Variants in GSK3B observed in about 807,000 individuals in gnomAD.
The protein encoded by GSK3B is glycogen synthase kinase 3 beta.
Under a neutral mutation model 56.4 loss-of-function variants are expected in GSK3B, and 15 were observed. The ratio of observed to expected loss-of-function variants is 0.27; its 90% CI spans 0.18 to 0.41. The LOEUF (loss-of-function observed/expected upper bound fraction) is 0.41. Among genes scored for constraint, GSK3B ranks in the 10% least tolerant of loss-of-function variants. GSK3B has a pLI of 1.00. For missense variants in GSK3B, 300 were observed against 513.4 expected (o/e 0.58, Z 4.02); for synonymous variants, 181 against 188.9 (o/e 0.96, Z 0.34).
At chr3:119,951,009 C>T (rs2057151438) in intron 2 of GSK3B, among the ~76,000 whole-genome samples, 1 of 152,010 alleles carries the variant, frequency 6.6e-6, no homozygotes, top group African/African-American at 2.4e-5. Flanking sequence ...GGGGAAAGGC[C>T]CATAGCTCTG....
rs145547313 is a variant in GSK3B at position 119,852,613 on chromosome 3, T to A, written c.1097-9260A>T. On this transcript the variant is annotated intron_variant, in intron 9 of 10. Transcript: ENST00000264235. ...TCTGCTCACCCCCGCCTCCCAAAGT[T>A]CTGGGATTAGAAGTGTAAGCCACTG... 9.4e-4 allele frequency among the ~76,000 whole-genome samples: 143 copies of A among 152,250 alleles called. 3 individuals carry two copies. The East Asian group carries it at 0.018, about 20-fold the overall frequency.
chr3:120,046,282 A>C (rs1269179696), intron 1 of GSK3B, among the ~76,000 whole-genome samples: 1 of 152,254 alleles, frequency 6.6e-6, no homozygotes, highest in Non-Finnish European at 1.5e-5. Context: ...TATATACTTC[A>C]GTTAATAATT....
chr3:119,914,366 C>T (rs1293666178), intron 5 of GSK3B, among the ~76,000 whole-genome samples: 1 of 151,862 alleles, frequency 6.6e-6, no homozygotes, highest in Non-Finnish European at 1.5e-5. Context: ...AAGCGAAATC[C>T]CTCTTCCAAA....
Position 120,015,662 on chromosome 3 carries a change from A to C in GSK3B, c.89-13423T>G, listed in dbSNP as rs2057818897. 2.1e-5 allele frequency among the ~76,000 whole-genome samples: 3 copies of C among 144,026 alleles called. No individual in the cohort carries two copies. The South Asian group carries it at 6.3e-4, about 30-fold the overall frequency. The allele number at this position is 144,026 out of a possible 152,430, so 94.5% of individuals were successfully genotyped here. A position where few individuals can be genotyped will look rare whatever the true frequency, so the allele number is the denominator to read the frequency against. On this transcript the variant is annotated intron_variant, in intron 1 of 10. Transcript: ENST00000264235. ...GAGACTCTGTCTCAAAAAAAAAAAA[A>C]AAAAAAAAAAAAAAAAACTAGACAT...
At chr3:119,947,172 C>T (rs528664239) in intron 3 of GSK3B, 96 bp downstream of exon 3, 3 of 761,364 alleles carry the variant, frequency 3.9e-6, no homozygotes, top group African/African-American at 3.5e-5. Flanking sequence ...TTTTCCATTC[C>T]ATTAGCAAAA....
chr3:119,925,028 C>A (rs1355584378), intron 3 of GSK3B, among the ~76,000 whole-genome samples: 1 of 152,170 alleles, frequency 6.6e-6, no homozygotes, highest in Non-Finnish European at 1.5e-5. Flanking sequence ...TTCAAGTCAT[C>A]ATCAAAATTT....
At chr3:120,062,766 C>T (rs1202613933) in intron 1 of GSK3B, among the ~76,000 whole-genome samples, 1 of 152,218 alleles carries the variant, frequency 6.6e-6, no homozygotes, top group Non-Finnish European at 1.5e-5. Flanking sequence ...TGGTAGGCAT[C>T]TCAACTGTAT....
chr3:119,885,345 C>T (rs1475836314), intron 7 of GSK3B, among the ~76,000 whole-genome samples: 2 of 152,040 alleles, frequency 1.3e-5, no homozygotes, highest in Non-Finnish European at 1.5e-5. Context: ...GGGAGAACTA[C>T]AAAACACTGC....
chr3:119,941,316 C>T (rs528071974), intron 3 of GSK3B, among the ~76,000 whole-genome samples: 93 of 152,242 alleles, frequency 6.1e-4, no homozygotes, highest in African/African-American at 2.0e-3. Context: ...CCTTGACTGG[C>T]GTAATACTAC....
chr3:120,078,545 CTT>C lies in GSK3B; in HGVS notation c.88+14800_88+14801del, dbSNP rs66489313. Among the ~76,000 whole-genome samples, 657 of 140,656 alleles carry C rather than the reference CTT, an allele frequency of 4.7e-3. 7 individuals are homozygous for C. The highest frequency in any genetic ancestry group is 0.019 in the Middle Eastern group (5 of 266). The allele number at this position is 140,656 out of a possible 152,430, so 92.3% of individuals were successfully genotyped here. On this transcript the variant is annotated intron_variant, in intron 1 of 10. Transcript: ENST00000264235. ...GAAATATCATACTAGAACTTCTCCT[CTT>C]TTTTTTTTTTTTTCTTTTTTTTCTG...
chr3:119,886,722 T>C (rs1306327302), intron 7 of GSK3B, among the ~76,000 whole-genome samples: 6 of 152,218 alleles, frequency 3.9e-5, no homozygotes, highest in East Asian at 1.9e-4. Context: ...TGCAACAACA[T>C]AGATGCTGCT....
intron 1 of GSK3B, among the ~76,000 whole-genome samples, chr3:120,088,649 A>C (rs527734574): frequency 4.9e-4 from 75 of 152,238 alleles, no homozygotes; most frequent in South Asian, 3.3e-3. Flanking sequence ...CACACACACA[A>C]AAAATCAGCT....
chr3:120,040,812 C>A (rs1174573020), intron 1 of GSK3B, among the ~76,000 whole-genome samples: 1 of 151,788 alleles, frequency 6.6e-6, no homozygotes, highest in East Asian at 1.9e-4. Flanking sequence ...TGCTCAGTGA[C>A]CCCAACCCTT....
At chr3:119,830,554 T>C (rs916767699) in intron 10 of GSK3B, among the ~76,000 whole-genome samples, 6 of 152,210 alleles carry the variant, frequency 3.9e-5, no homozygotes, top group African/African-American at 1.2e-4. Flanking sequence ...CCGTTACATA[T>C]GCACTGGTAA....
At chr3:119,851,930 A>G (rs970706551) in intron 9 of GSK3B, among the ~76,000 whole-genome samples, 1 of 152,200 alleles carries the variant, frequency 6.6e-6, no homozygotes, top group African/African-American at 2.4e-5. Context: ...CCTTGCTCTC[A>G]CACATTTCTG....
chr3:119,917,323 T>C lies in GSK3B; in HGVS notation c.478-1149A>G, dbSNP rs1018330946. Among the ~76,000 whole-genome samples, 4 of 152,202 alleles carry C rather than the reference T, an allele frequency of 2.6e-5. No individual in the cohort carries two copies. The East Asian group carries it at 5.8e-4, about 22-fold the overall frequency. ...CTTGAAGTTAATGTGAACTATTAGC[T>C]GGAAAAGTTTATGTTTTCTTTAAAA... On this transcript the variant is annotated intron_variant, in intron 4 of 10. Coordinates refer to ENST00000264235, the MANE Select transcript of GSK3B (RefSeq NM_001146156.2).
intron 3 of GSK3B, among the ~76,000 whole-genome samples, chr3:119,935,958 T>C (rs1003432778): frequency 3.5e-4 from 54 of 152,258 alleles, no homozygotes; most frequent in African/African-American, 1.1e-3. Context: ...AATCAACTTA[T>C]ATAAAACACC....
chr3:119,884,888 C>G (rs953463970), intron 7 of GSK3B, among the ~76,000 whole-genome samples: 2 of 151,818 alleles, frequency 1.3e-5, no homozygotes, highest in African/African-American at 4.8e-5. Flanking sequence ...AACATTATAC[C>G]GAATGGGCAA....
At chr3:119,982,753 G>T (rs768525555) in intron 2 of GSK3B, among the ~76,000 whole-genome samples, 7 of 152,126 alleles carry the variant, frequency 4.6e-5, no homozygotes, top group Non-Finnish European at 1.0e-4. Context: ...AAAGTGATGG[G>T]GAGAAGGGAA....
Sources: gnomAD v4.1 joint callset for allele counts (sites outside exome capture counted in the v4.1 genomes callset) on GRCh38, gnomAD v4.1.1 for gene constraint, MANE v1.5 for transcripts, NCBI Gene and HGNC (gene_info 2026-07-23, HGNC 2026-07-21) for gene names.